NRAP: variants seen among roughly 807,000 people sequenced by gnomAD.
NRAP encodes the protein nebulin-related-anchoring protein.
Under a neutral mutation model 225.9 loss-of-function variants are expected in NRAP, and 189 were observed. The observed-to-expected ratio is 0.84, with a 90% CI of 0.74 to 0.94. The LOEUF is 0.94. NRAP is among the 40% of genes least tolerant of loss of function. The pLI, the probability that NRAP is intolerant of heterozygous loss-of-function variation, is 0.00. For missense variants in NRAP, 2,176 were observed against 2,168.7 expected (o/e 1.00, Z -0.07); for synonymous variants, 769 against 790.7 (o/e 0.97, Z 0.46).
At chr10:113,609,627 A>G (rs111919034) in intron 31 of NRAP, among the ~76,000 whole-genome samples, 1 of 152,242 alleles carries the variant, frequency 6.6e-6, no homozygotes, top group East Asian at 1.9e-4. Context: ...CAGCTGCCAG[A>G]AAAGCACAGT....
intron 3 of NRAP, among the ~76,000 whole-genome samples, chr10:113,661,389 CA>C (rs1850667870): frequency 6.6e-6 from 1 of 150,640 alleles, no homozygotes; most frequent in Non-Finnish European, 1.5e-5. Context: ...TGTAGAGAGC[CA>C]CACAGCAAGG....
chr10:113,633,575 A>G (rs150327687), intron 15 of NRAP, among the ~76,000 whole-genome samples: 73 of 152,316 alleles, frequency 4.8e-4, no homozygotes, highest in African/African-American at 1.7e-3. Flanking sequence ...TCACACACAC[A>G]AAAGACAGCC....
intron 29 of NRAP, among the ~76,000 whole-genome samples, chr10:113,613,543 A>G (rs544150535): frequency 2.6e-5 from 4 of 152,312 alleles, no homozygotes; most frequent in African/African-American, 9.6e-5. Context: ...TTTCATCACC[A>G]ATGTTAGCCA....
rs548792194 is a variant in NRAP at position 113,594,880 on chromosome 10, C to T, written c.4536+743G>A. On this transcript the variant is annotated intron_variant, in intron 38 of 41. Transcript: ENST00000359988. ...GCCAGGCCAGGGAGGGAAGAATGGC[C>T]GGACTCTGGGAGGCCCTACGCTGCC... 2.0e-5 allele frequency among the ~76,000 whole-genome samples: 3 copies of T among 152,310 alleles called. No individual in the cohort carries two copies. In the South Asian group the frequency reaches 6.2e-4, roughly 32 times the overall value.
chr10:113,634,422 G>C (rs530217939), intron 14 of NRAP, among the ~76,000 whole-genome samples: 6 of 152,304 alleles, frequency 3.9e-5, no homozygotes, highest in Admixed American at 6.5e-5. Context: ...ACTCATAAAA[G>C]AGGTGAATTA....
At position 113,623,619 on chromosome 10, in the gene NRAP, GC is replaced by G. The variant is rs1229645814; in HGVS notation, c.2366del (p.Ser789ThrfsTer17). 6.2e-7 allele frequency: 1 copy of G among 1,613,618 alleles called. No homozygotes were observed. Among genetic ancestry groups the G allele is most frequent in the Admixed American group, 1.7e-5 (1 of 60,018 alleles). On this transcript the variant is annotated frameshift_variant, in exon 23 of 42. Transcript: ENST00000359988. LOFTEE classifies it high-confidence loss of function. ...ACCCTTTTGCTTTCTGGTTTTCCCA[GC>G]TGCTCTTATACAGTTTCTAAGGGGA... ...ANLSEKLYKS[S>X]WENQKAKGFE...
At chr10:113,638,236 T>C (rs1848995458) in intron 14 of NRAP, among the ~76,000 whole-genome samples, 1 of 152,218 alleles carries the variant, frequency 6.6e-6, no homozygotes. Flanking sequence ...GCACAATTAC[T>C]TTACTCTGTG....
chr10:113,588,828 T>C lies in NRAP; in HGVS notation c.*147A>G. 3 of 671,890 alleles carry C rather than the reference T, an allele frequency of 4.5e-6. No individual in the cohort carries two copies. In the South Asian group the frequency reaches 5.5e-5, roughly 12 times the overall value. The allele number at this position is 671,890 out of a possible 1,614,324, so 41.6% of individuals were successfully genotyped here. ...AGGACCACAAATACAACATTCTCCA[T>C]CTGCTTTCAGAGTTATTATTTTAAT... On this transcript the variant is annotated 3_prime_UTR_variant, in exon 42 of 42. Coordinates refer to ENST00000359988, the MANE Select transcript of NRAP (RefSeq NM_198060.4).
rs983521690 is a variant in NRAP, at chr10:113,653,132, A to T, written c.466-93T>A. On this transcript the variant is annotated intron_variant, in intron 5 of 41. Coordinates refer to ENST00000359988, the MANE Select transcript of NRAP (RefSeq NM_198060.4). Reference sequence around the variant, plus strand: ...ATAAAACCAATGAAACTAGATTCATAAAGTTCTTCGGAAATATTTCAATCA... The same window carrying T: ...ATAAAACCAATGAAACTAGATTCATTAAGTTCTTCGGAAATATTTCAATCA... 5.8e-6 allele frequency: 4 copies of T among 686,966 alleles called. No individual in the cohort carries two copies. The African/African-American group carries it at 7.9e-5, about 14-fold the overall frequency. 42.6% of individuals were successfully genotyped at this position (686,966 alleles called of 1,614,324 possible).
chr10:113,601,491 C>G (rs1002930224), intron 35 of NRAP, among the ~76,000 whole-genome samples: 1 of 152,230 alleles, frequency 6.6e-6, no homozygotes, highest in Middle Eastern at 3.2e-3. Flanking sequence ...TCCAGACTCT[C>G]TCATTAACCA....
chr10:113,659,543 T>C (rs1850531820), intron 3 of NRAP, among the ~76,000 whole-genome samples: 1 of 152,088 alleles, frequency 6.6e-6, no homozygotes, highest in South Asian at 2.1e-4. Context: ...TTGCCTCCCC[T>C]AGGGACCTTT....
intron 26 of NRAP, 114 bp downstream of exon 26, chr10:113,617,341 G>A (rs1018679981): frequency 1.5e-5 from 10 of 686,346 alleles, no homozygotes; most frequent in Admixed American, 2.0e-5. Flanking sequence ...GACAGGGAGC[G>A]CCTTCATCCT....
chr10:113,654,773 T>A (rs1850201564), intron 4 of NRAP, among the ~76,000 whole-genome samples: 2 of 152,176 alleles, frequency 1.3e-5, no homozygotes, highest in South Asian at 4.1e-4. Flanking sequence ...ACGAATGGCA[T>A]CCACTTTAGA....
chr10:113,610,517 A>C lies in NRAP; in HGVS notation c.3545T>G (p.Val1182Gly). 2 of 1,603,884 alleles carry C rather than the reference A, an allele frequency of 1.2e-6. No individual in the cohort carries two copies. The highest frequency in any genetic ancestry group is 1.7e-6 in the Non-Finnish European group (2 of 1,170,604). ...TTCAATCTCTAACGTGCCTGGAATGACACATGCAACACCTCGCATAAAGTT... is the reference window on the plus strand; with the variant it reads ...TTCAATCTCTAACGTGCCTGGAATGCCACATGCAACACCTCGCATAAAGTT... ...DLNFMRGVAC[V>G]IPGTLEIEGR... Residue 1182 changes from valine (V) to glycine (G), a missense_variant, in exon 31 of 42, where the codon GTC (valine) becomes GGC (glycine). This residue lies in a region of NRAP where 1,708 missense variants were observed against 1,695.5 expected (regional missense o/e 1.01). Transcript: ENST00000359988.
intron 35 of NRAP, among the ~76,000 whole-genome samples, chr10:113,599,372 A>T (rs963083177): frequency 5.3e-5 from 8 of 152,154 alleles, no homozygotes; most frequent in African/African-American, 1.9e-4. Flanking sequence ...TTATACCACG[A>T]TCTTTCAGTC....
intron 25 of NRAP, among the ~76,000 whole-genome samples, chr10:113,619,708 A>T (rs1449151152): frequency 6.6e-6 from 1 of 151,698 alleles, no homozygotes; most frequent in Non-Finnish European, 1.5e-5. Flanking sequence ...CACCCAGAAA[A>T]GTCCAGAAAG....
At chr10:113,634,287 A>T in intron 14 of NRAP, 77 bp from the exon 15 acceptor site, 2 of 1,015,230 alleles carry the variant, frequency 2.0e-6, no homozygotes, top group Non-Finnish European at 3.1e-6. Context: ...CCCAAGCCCA[A>T]TAAAGTGGCA....
intron 35 of NRAP, among the ~76,000 whole-genome samples, chr10:113,603,744 C>G (rs1846749828): frequency 6.6e-6 from 1 of 152,214 alleles, no homozygotes; most frequent in Admixed American, 6.5e-5. Context: ...TGCTCCTACT[C>G]AAGTCCTTGG....
intron 40 of NRAP, 135 bp downstream of exon 40, chr10:113,590,443 T>C: frequency 2.6e-6 from 2 of 768,706 alleles, no homozygotes; most frequent in Non-Finnish European, 4.1e-6. Context: ...TTTCTGGCAC[T>C]AAAGTGTTAG....
Sources: allele counts gnomAD v4.1 joint callset (sites outside exome capture counted in the v4.1 genomes callset), GRCh38; gene constraint gnomAD v4.1.1; regional missense constraint gnomAD v4.1.1; transcripts MANE v1.5; gene names NCBI Gene and HGNC (gene_info 2026-07-23, HGNC 2026-07-21).